Variants in PLCB1 observed in about 807,000 individuals in gnomAD.
PLCB1 encodes the protein phospholipase C beta 1, also known as 1-phosphatidylinositol 4,5-bisphosphate phosphodiesterase beta-1.
A neutral mutation model predicts 161.8 loss-of-function variants in PLCB1; 46 were observed. The observed-to-expected ratio is 0.28, with a 90% CI of 0.22 to 0.36. The LOEUF (loss-of-function observed/expected upper bound fraction) is 0.36, where lower values mean the gene tolerates loss of function less well. Ranked by LOEUF, PLCB1 falls within the 10% of genes least tolerant of loss-of-function variation. The pLI, the probability that PLCB1 is intolerant of heterozygous loss-of-function variation, is 1.00. For synonymous variants in PLCB1, 517 were observed against 503.7 expected, an observed-to-expected ratio of 1.03 and a Z score of -0.35; for missense variants, 1,016 against 1,472.5, an observed-to-expected ratio of 0.69 and a Z score of 5.07.
chr20:8,638,763 G>A (rs1471395236), intron 4 of PLCB1, among the ~76,000 whole-genome samples: 3 of 152,162 alleles, frequency 2.0e-5, no homozygotes, highest in African/African-American at 7.2e-5. Flanking sequence ...GGTCTAACAT[G>A]AATTATCCCA....
rs140710153 is a variant in PLCB1, at chr20:8,217,872, A to C, written c.177+67501A>C. On this transcript the variant is annotated intron_variant, in intron 2 of 31. Coordinates refer to ENST00000338037, the MANE Select transcript of PLCB1 (RefSeq NM_015192.4). ...CCTTTACTCTCTTGTTCTTGCTCCC[A>C]GTTTCACTCTTTTGCCCTTCCACCT... Among the ~76,000 whole-genome samples the C allele has an allele frequency of 5.8e-3, 885 of 152,184 alleles. 3 individuals are homozygous for C. Among genetic ancestry groups the C allele is most frequent in the African/African-American group, 0.017 (701 of 41,540 alleles).
intron 3 of PLCB1, among the ~76,000 whole-genome samples, chr20:8,453,614 A>G (rs527336449): frequency 6.6e-6 from 1 of 152,314 alleles, no homozygotes; most frequent in South Asian, 2.1e-4. Context: ...ACTACATAAT[A>G]TAATATCAGA....
At chr20:8,728,370 G>T (rs1453918047) in intron 17 of PLCB1, among the ~76,000 whole-genome samples, 2 of 151,970 alleles carry the variant, frequency 1.3e-5, no homozygotes, top group Non-Finnish European at 2.9e-5. Flanking sequence ...ATGTTTTAAA[G>T]ACATAGCATG....
At chr20:8,469,644 A>G (rs1042336521) in intron 3 of PLCB1, among the ~76,000 whole-genome samples, 5 of 152,166 alleles carry the variant, frequency 3.3e-5, no homozygotes, top group African/African-American at 1.2e-4. Flanking sequence ...GAAAACAGTG[A>G]CCAAAATTCT....
Position 8,314,878 on chromosome 20 carries a change from T to A in PLCB1, c.178-56504T>A, listed in dbSNP as rs1394383014. Among the ~76,000 whole-genome samples the A allele has an allele frequency of 2.0e-5, 3 of 152,296 alleles. No homozygotes were observed. The East Asian group carries it at 5.8e-4, about 29-fold the overall frequency. Reference sequence around the variant, plus strand: ...CAGGAACAACTTTGAGCAATGATTTTGCCAGCTACTGGCACTTTATTTCAG... The same window carrying A: ...CAGGAACAACTTTGAGCAATGATTTAGCCAGCTACTGGCACTTTATTTCAG... On this transcript the variant is annotated intron_variant, in intron 2 of 31. Transcript: ENST00000338037.
chr20:8,668,129 T>C (rs1989859304), intron 9 of PLCB1, among the ~76,000 whole-genome samples: 1 of 149,598 alleles, frequency 6.7e-6, no homozygotes, highest in South Asian at 2.1e-4. Flanking sequence ...GGGAGGGAAA[T>C]AGGTCGAATG....
At chr20:8,206,051 A>G (rs1978512064) in intron 2 of PLCB1, among the ~76,000 whole-genome samples, 1 of 152,182 alleles carries the variant, frequency 6.6e-6, no homozygotes, top group South Asian at 2.1e-4. Flanking sequence ...CCTGTTCGAT[A>G]GAAATAAGGT....
chr20:8,156,246 C>T lies in PLCB1; in HGVS notation c.177+5875C>T, dbSNP rs2051560530. Among the ~76,000 whole-genome samples, 4 of 152,206 alleles carry T rather than the reference C, an allele frequency of 2.6e-5. No individual in the cohort carries two copies. The South Asian group carries it at 8.3e-4, about 32-fold the overall frequency. On this transcript the variant is annotated intron_variant, in intron 2 of 31. Coordinates refer to ENST00000338037, the MANE Select transcript of PLCB1 (RefSeq NM_015192.4). Reference sequence around the variant, plus strand: ...CAGTGGATAAATACCACAGCTCCCTCACCTCTTGGGTGGGATAACTTAAAG... The same window carrying T: ...CAGTGGATAAATACCACAGCTCCCTTACCTCTTGGGTGGGATAACTTAAAG...
At position 8,451,317 on chromosome 20, in the gene PLCB1, CT is replaced by C. The variant is rs200626664; in HGVS notation, c.246+79868del. Among the ~76,000 whole-genome samples, 1,496 of 152,242 alleles carry C rather than the reference CT, an allele frequency of 9.8e-3. 16 individuals are homozygous for C. The highest frequency in any genetic ancestry group is 0.016 in the Non-Finnish European group (1,061 of 68,026). On this transcript the variant is annotated intron_variant, in intron 3 of 31. Transcript: ENST00000338037. ...AAATGGTAAATAGATTTATTTTTGACTCATCCTGTGAATCCTTTTCAGATTG... is the reference window on the plus strand; with the variant it reads ...AAATGGTAAATAGATTTATTTTTGACCATCCTGTGAATCCTTTTCAGATTG...
intron 19 of PLCB1, among the ~76,000 whole-genome samples, chr20:8,735,759 G>A (rs1489783907): frequency 6.6e-6 from 1 of 152,190 alleles, no homozygotes; most frequent in Non-Finnish European, 1.5e-5. Flanking sequence ...CATAGACATA[G>A]TTCTCACATA....
At chr20:8,671,123 G>A (rs181087993) in intron 9 of PLCB1, among the ~76,000 whole-genome samples, 1 of 152,282 alleles carries the variant, frequency 6.6e-6, no homozygotes, top group East Asian at 1.9e-4. Context: ...AAGGAGGCTG[G>A]TGTCCATGCA....
Position 8,173,245 on chromosome 20 carries a change from G to A in PLCB1, c.177+22874G>A, listed in dbSNP as rs769560170. On this transcript the variant is annotated intron_variant, in intron 2 of 31. Coordinates refer to ENST00000338037, the MANE Select transcript of PLCB1 (RefSeq NM_015192.4). ...GACACTGAGACTGCTGAGTGACACC[G>A]GTAAGAGGTATTTCACTACAACAAG... 4.1e-4 allele frequency among the ~76,000 whole-genome samples: 63 copies of A among 152,052 alleles called. 1 individual carries two copies. Among genetic ancestry groups the A allele is most frequent in the Non-Finnish European group, 4.3e-4 (29 of 67,994 alleles).
intron 4 of PLCB1, among the ~76,000 whole-genome samples, chr20:8,645,179 G>T (rs1193913735): frequency 6.8e-6 from 1 of 147,556 alleles, no homozygotes; most frequent in Non-Finnish European, 1.5e-5. Flanking sequence ...CATAAACACT[G>T]CAGGGTCCTC....
chr20:8,567,263 T>G (rs1383306969), intron 3 of PLCB1, among the ~76,000 whole-genome samples: 1 of 152,188 alleles, frequency 6.6e-6, no homozygotes, highest in Non-Finnish European at 1.5e-5. Context: ...TACTAGAGTT[T>G]TAACTTAAAG....
At chr20:8,855,236 C>A (rs1315108365) in intron 31 of PLCB1, among the ~76,000 whole-genome samples, 2 of 152,076 alleles carry the variant, frequency 1.3e-5, no homozygotes, top group African/African-American at 4.8e-5. Context: ...TCACTCCCAC[C>A]AATTCTAGGG....
intron 3 of PLCB1, among the ~76,000 whole-genome samples, chr20:8,547,570 A>T (rs1193356459): frequency 6.6e-6 from 1 of 152,014 alleles, no homozygotes. Context: ...TATGTTCTGA[A>T]ATAGTACTTC....
At chr20:8,417,891 TG>T (rs1250598389) in intron 3 of PLCB1, among the ~76,000 whole-genome samples, 1 of 152,158 alleles carries the variant, frequency 6.6e-6, no homozygotes, top group African/African-American at 2.4e-5. Flanking sequence ...GTCCCATCTG[TG>T]GGAAAACAAG....
intron 3 of PLCB1, among the ~76,000 whole-genome samples, chr20:8,487,064 AAT>A (rs1487146600): frequency 6.6e-6 from 1 of 152,174 alleles, no homozygotes; most frequent in African/African-American, 2.4e-5. Context: ...TATGTTCACA[AAT>A]TGTTTCTATT....
At chr20:8,308,188 T>C (rs1046248543) in intron 2 of PLCB1, among the ~76,000 whole-genome samples, 1 of 152,040 alleles carries the variant, frequency 6.6e-6, no homozygotes, top group African/African-American at 2.4e-5. Flanking sequence ...TTATTCTAAT[T>C]CTTTCTGAGC....
Sources: allele counts gnomAD v4.1 joint callset (sites outside exome capture counted in the v4.1 genomes callset), GRCh38; gene constraint gnomAD v4.1.1; transcripts MANE v1.5; gene names NCBI Gene and HGNC (gene_info 2026-07-23, HGNC 2026-07-21).